The following LHFPL6 variants were observed in gnomAD, a reference collection of about 807,000 sequenced individuals.
LHFPL6 encodes the protein LHFPL tetraspan subfamily member 6 protein.
In LHFPL6, 9 loss-of-function variants were observed where a neutral mutation model predicts 20.6. That is an observed-to-expected ratio of 0.44 (90% confidence interval 0.26 to 0.76). The LOEUF is 0.76. Ranked by LOEUF, LHFPL6 falls within the 30% of genes least tolerant of loss-of-function variation. The pLI is 0.20. For synonymous variants in LHFPL6, 105 were observed against 98.7 expected (o/e 1.06, Z -0.38); for missense variants, 218 against 253.5 (o/e 0.86, Z 0.95).
intron 2 of LHFPL6, among the ~76,000 whole-genome samples, chr13:39,535,891 C>T (rs1566135443): frequency 1.3e-5 from 2 of 152,084 alleles, no homozygotes; most frequent in African/African-American, 4.8e-5. Context: ...CTGGCAGAGA[C>T]CATTAGCATT....
chr13:39,371,037 G>GTCAGTGT (rs1870155249), intron 3 of LHFPL6, among the ~76,000 whole-genome samples: 1 of 152,150 alleles, frequency 6.6e-6, no homozygotes, highest in South Asian at 2.1e-4. Flanking sequence ...ATGTGGGACA[G>GTCAGTGT]TCAGTGTTCA....
chr13:39,367,810 C>T (rs1055758315), intron 3 of LHFPL6, among the ~76,000 whole-genome samples: 4 of 152,196 alleles, frequency 2.6e-5, no homozygotes, highest in South Asian at 2.1e-4. Context: ...GCCACTTAAA[C>T]GGTCTGGAGA....
At chr13:39,561,803 C>CA (rs1400887652) in intron 2 of LHFPL6, among the ~76,000 whole-genome samples, 2 of 152,186 alleles carry the variant, frequency 1.3e-5, no homozygotes, top group African/African-American at 4.8e-5. Context: ...CAGGGCCTAA[C>CA]ACTGAGTGAC....
At chr13:39,354,174 A>G (rs1288985330) in intron 3 of LHFPL6, among the ~76,000 whole-genome samples, 1 of 152,146 alleles carries the variant, frequency 6.6e-6, no homozygotes, top group Non-Finnish European at 1.5e-5. Context: ...ACATGTATGC[A>G]CCGTCCACTG....
At chr13:39,368,580 C>G (rs1415500440) in intron 3 of LHFPL6, among the ~76,000 whole-genome samples, 1 of 136,264 alleles carries the variant, frequency 7.3e-6, no homozygotes, top group East Asian at 2.4e-4. Flanking sequence ...GACTCCGTCT[C>G]AACAACAACA....
intron 2 of LHFPL6, among the ~76,000 whole-genome samples, chr13:39,431,064 G>C (rs1871784373): frequency 6.6e-6 from 1 of 152,150 alleles, no homozygotes; most frequent in Non-Finnish European, 1.5e-5. Context: ...CCCACTGGGA[G>C]GAAAAAACAA....
chr13:39,429,324 A>G (rs1031061864), intron 2 of LHFPL6, among the ~76,000 whole-genome samples: 1 of 152,172 alleles, frequency 6.6e-6, no homozygotes, highest in Non-Finnish European at 1.5e-5. Flanking sequence ...AAATAGGTAC[A>G]TATTCAGGAT....
At chr13:39,415,168 C>G (rs1871317894) in intron 2 of LHFPL6, among the ~76,000 whole-genome samples, 1 of 152,166 alleles carries the variant, frequency 6.6e-6, no homozygotes, top group Non-Finnish European at 1.5e-5. Context: ...ACGGAAACAT[C>G]TGGAAAAATA....
Position 39,504,970 on chromosome 13 carries a change from A to T in LHFPL6, c.385+95862T>A, listed in dbSNP as rs187898683. Among the ~76,000 whole-genome samples the T allele has an allele frequency of 8.4e-4, 128 of 152,382 alleles. 1 individual carries two copies. The highest frequency in any genetic ancestry group is 1.5e-3 in the Admixed American group (23 of 15,298). On this transcript the variant is annotated intron_variant, in intron 2 of 3. Coordinates refer to ENST00000379589, the MANE Select transcript of LHFPL6 (RefSeq NM_005780.3). The stretch of plus-strand genomic sequence containing the variant: ...TAAATGAATGAATTAAAATGAATTT[A>T]ACTACAACTACAATTTCTAGTTTTT...
At chr13:39,509,240 G>A (rs1265291345) in intron 2 of LHFPL6, among the ~76,000 whole-genome samples, 2 of 151,848 alleles carry the variant, frequency 1.3e-5, no homozygotes. Context: ...ATCAAGTTTT[G>A]AATATTTTTA....
intron 2 of LHFPL6, among the ~76,000 whole-genome samples, chr13:39,456,182 C>G (rs988057411): frequency 6.6e-6 from 1 of 152,242 alleles, no homozygotes; most frequent in African/African-American, 2.4e-5. Context: ...TGGGCCACAT[C>G]TTCCTGGGGA....
chr13:39,489,574 G>C (rs1868845003), intron 2 of LHFPL6, among the ~76,000 whole-genome samples: 1 of 151,780 alleles, frequency 6.6e-6, no homozygotes, highest in Admixed American at 6.6e-5. Context: ...GGGGAGCGGG[G>C]GATAGGGTCT....
At chr13:39,362,438 G>T (rs537213792) in intron 3 of LHFPL6, among the ~76,000 whole-genome samples, 1 of 152,306 alleles carries the variant, frequency 6.6e-6, no homozygotes, top group South Asian at 2.1e-4. Flanking sequence ...AAATTACCCA[G>T]TCTCAGGTAG....
intron 2 of LHFPL6, among the ~76,000 whole-genome samples, chr13:39,469,176 T>C (rs964271285): frequency 6.6e-6 from 1 of 152,132 alleles, no homozygotes; most frequent in Non-Finnish European, 1.5e-5. Flanking sequence ...GGCCTCCCAG[T>C]AGGTTATTTT....
chr13:39,417,238 A>G (rs1871371793), intron 2 of LHFPL6, among the ~76,000 whole-genome samples: 1 of 152,190 alleles, frequency 6.6e-6, no homozygotes. Flanking sequence ...GCTTTTTCCC[A>G]AAGGCACTGT....
chr13:39,409,046 G>A (rs949861012), intron 2 of LHFPL6, among the ~76,000 whole-genome samples: 3 of 152,196 alleles, frequency 2.0e-5, no homozygotes, highest in South Asian at 2.1e-4. Flanking sequence ...AATTTGTAGC[G>A]TTAAGCAGGT....
At chr13:39,346,491 T>G (rs1158169983) in intron 3 of LHFPL6, among the ~76,000 whole-genome samples, 1 of 152,180 alleles carries the variant, frequency 6.6e-6, no homozygotes, top group East Asian at 1.9e-4. Flanking sequence ...TGAGTATCAT[T>G]CTCATCTTTC....
At chr13:39,416,626 T>A (rs369627055) in intron 2 of LHFPL6, among the ~76,000 whole-genome samples, 118 of 152,362 alleles carry the variant, frequency 7.7e-4, no homozygotes, top group South Asian at 4.4e-3. Context: ...ATGTACTTAA[T>A]GTGTGAATGC....
intron 2 of LHFPL6, among the ~76,000 whole-genome samples, chr13:39,534,229 G>A (rs1331875381): frequency 6.6e-6 from 1 of 152,152 alleles, no homozygotes; most frequent in Non-Finnish European, 1.5e-5. Flanking sequence ...AATGGAACTT[G>A]ATCCTGTTCC....
Sources: allele counts gnomAD v4.1 joint callset (sites outside exome capture counted in the v4.1 genomes callset), GRCh38; gene constraint gnomAD v4.1.1; transcripts MANE v1.5; gene names NCBI Gene and HGNC (gene_info 2026-07-23, HGNC 2026-07-21).